LAMA2: variants seen among roughly 807,000 people sequenced by gnomAD.
The protein encoded by LAMA2 is laminin subunit alpha 2, also known as laminin subunit alpha-2.
Under a neutral mutation model 364.8 loss-of-function variants are expected in LAMA2, and 269 were observed. That is an observed-to-expected ratio of 0.74 (90% CI 0.67 to 0.82). The LOEUF (loss-of-function observed/expected upper bound fraction) is 0.82, where lower values mean the gene tolerates loss of function less well. Among genes scored for constraint, LAMA2 ranks in the 40% least tolerant of loss-of-function variants. The probability of loss-of-function intolerance (pLI) is 0.00; values close to 1 mark genes in which losing one functional copy is unlikely to be tolerated. For synonymous variants in LAMA2, 1,379 were observed against 1,370.6 expected (o/e 1.01, Z -0.14); for missense variants, 3,807 against 3,873.2 (o/e 0.98, Z 0.45).
At chr6:129,376,719 A>G (rs1049864463) in intron 34 of LAMA2, among the ~76,000 whole-genome samples, 1 of 152,066 alleles carries the variant, frequency 6.6e-6, no homozygotes, top group Non-Finnish European at 1.5e-5. Flanking sequence ...GTTAACTCCA[A>G]TTTACCTTTC....
At chr6:129,047,280 T>A (rs1247112584) in intron 1 of LAMA2, among the ~76,000 whole-genome samples, 2 of 152,252 alleles carry the variant, frequency 1.3e-5, no homozygotes, top group East Asian at 1.9e-4. Flanking sequence ...ACTTTATGAA[T>A]GTTTAATATT....
chr6:129,040,095 G>A (rs77660450), intron 1 of LAMA2, among the ~76,000 whole-genome samples: 23,775 of 152,092 alleles, frequency 0.16, 2,114 homozygotes, highest in African/African-American at 0.24. Flanking sequence ...CTTAGAATGG[G>A]GAAAAGTAAG....
At chr6:129,079,912 A>G (rs1331737640) in intron 3 of LAMA2, among the ~76,000 whole-genome samples, 1 of 152,170 alleles carries the variant, frequency 6.6e-6, no homozygotes, top group African/African-American at 2.4e-5. Context: ...TATTATCTTT[A>G]TAGCCTCTGT....
At chr6:128,925,702 T>C (rs1266098676) in intron 1 of LAMA2, among the ~76,000 whole-genome samples, 1 of 152,192 alleles carries the variant, frequency 6.6e-6, no homozygotes, top group Non-Finnish European at 1.5e-5. Flanking sequence ...AATTCAAAAG[T>C]AACATCCTCA....
intron 27 of LAMA2, among the ~76,000 whole-genome samples, chr6:129,318,446 G>A (rs1403051711): frequency 6.6e-6 from 1 of 152,052 alleles, no homozygotes; most frequent in African/African-American, 2.4e-5. Flanking sequence ...AGAAATATTT[G>A]TTGTTGCTGC....
intron 51 of LAMA2, among the ~76,000 whole-genome samples, chr6:129,468,085 TCA>T (rs1470621582): frequency 6.6e-6 from 1 of 151,840 alleles, no homozygotes; most frequent in African/African-American, 2.4e-5. Context: ...GACTCTAGAC[TCA>T]CATTGCTTTT....
At chr6:129,384,230 A>G (rs180726355) in intron 35 of LAMA2, among the ~76,000 whole-genome samples, 4 of 152,334 alleles carry the variant, frequency 2.6e-5, no homozygotes, top group Admixed American at 2.6e-4. Context: ...ATCCTCTGCT[A>G]GATGAAGCTG....
intron 62 of LAMA2, among the ~76,000 whole-genome samples, chr6:129,507,932 A>G (rs1301308576): frequency 1.3e-5 from 2 of 152,194 alleles, no homozygotes; most frequent in Non-Finnish European, 2.9e-5. Context: ...GAACACTCAT[A>G]TGTTTATACT....
At chr6:129,218,887 A>G (rs182371535) in intron 12 of LAMA2, among the ~76,000 whole-genome samples, 1 of 152,200 alleles carries the variant, frequency 6.6e-6, no homozygotes, top group Non-Finnish European at 1.5e-5. Context: ...ATTATTTATT[A>G]TTCAATATTT....
At chr6:129,217,137 T>C (rs1400178699) in intron 12 of LAMA2, among the ~76,000 whole-genome samples, 2 of 151,106 alleles carry the variant, frequency 1.3e-5, no homozygotes, top group Non-Finnish European at 2.9e-5. Context: ...TGCAGTGAGC[T>C]GAGATCGTGC....
In LAMA2 at chr6:128,883,174, G is replaced by A. The variant is rs10080633; in HGVS notation, c.-72G>A. 6,548 of 1,435,648 alleles carry A rather than the reference G, an allele frequency of 4.6e-3. 256 individuals carry two copies. In the African/African-American group the frequency reaches 0.082, roughly 18 times the overall value. The allele number at this position is 1,435,648 out of a possible 1,614,324, so 88.9% of individuals were successfully genotyped here. On this transcript the variant is annotated 5_prime_UTR_variant, in exon 1 of 65. Transcript: ENST00000421865. ...CAGCTGCTGCTCGCTCAGCTCACAAGCCAAGGCCAGGGGACAGGGCGGCAG... is the reference window on the plus strand; with the variant it reads ...CAGCTGCTGCTCGCTCAGCTCACAAACCAAGGCCAGGGGACAGGGCGGCAG...
intron 41 of LAMA2, among the ~76,000 whole-genome samples, chr6:129,430,477 C>T (rs1781534914): frequency 6.6e-6 from 1 of 152,188 alleles, no homozygotes; most frequent in Non-Finnish European, 1.5e-5. Context: ...TTTGAATATA[C>T]ATCTGTTAAA....
intron 1 of LAMA2, among the ~76,000 whole-genome samples, chr6:128,905,162 C>T (rs892235280): frequency 6.6e-6 from 1 of 152,174 alleles, no homozygotes; most frequent in Non-Finnish European, 1.5e-5. Flanking sequence ...TGCTAAACAA[C>T]ATAAACCAAT....
At chr6:129,334,199 A>G (rs1232094773) in intron 29 of LAMA2, among the ~76,000 whole-genome samples, 2 of 152,164 alleles carry the variant, frequency 1.3e-5, no homozygotes, top group Non-Finnish European at 2.9e-5. Context: ...TATCATATCC[A>G]TTATACAGTG....
chr6:129,391,159 A>C (rs748806862), intron 35 of LAMA2, among the ~76,000 whole-genome samples: 3 of 152,146 alleles, frequency 2.0e-5, no homozygotes, highest in Non-Finnish European at 4.4e-5. Context: ...TCCAGCCTCC[A>C]AGTGTTATGC....
intron 1 of LAMA2, among the ~76,000 whole-genome samples, chr6:128,901,895 G>A (rs1019892443): frequency 6.6e-6 from 1 of 152,176 alleles, no homozygotes; most frequent in African/African-American, 2.4e-5. Context: ...TACATGCCAA[G>A]TGTATTAGTC....
chr6:129,220,979 C>T lies in LAMA2; in HGVS notation c.1782+28126C>T, dbSNP rs555010938. Among the ~76,000 whole-genome samples the T allele has an allele frequency of 2.5e-4, 38 of 152,024 alleles. 1 individual carries two copies. The South Asian group carries it at 6.9e-3, about 27-fold the overall frequency. ...GAGTTCAAGACCAGCCTTGCCAACG[C>T]GGTGAAACCCTGTCTCTACTAAAAA... On this transcript the variant is annotated intron_variant, in intron 12 of 64. Coordinates refer to ENST00000421865, the MANE Select transcript of LAMA2 (RefSeq NM_000426.4).
chr6:129,287,982 A>G lies in LAMA2; in HGVS notation c.2673A>G (p.Pro891=), dbSNP rs1453549536. 2 of 1,614,126 alleles carry G rather than the reference A, an allele frequency of 1.2e-6. No homozygotes were observed. Among genetic ancestry groups the G allele is most frequent in the Non-Finnish European group, 1.7e-6 (2 of 1,179,970 alleles). ...SLSGSCLICK[P]GTTGRYCELC... is the part of the protein sequence containing the mutation. ...CTGGCTCCTGTCTGATATGTAAACC[A>G]GGTACAACAGGCCGGTACTGTGAGC... Residue 891 remains proline (P), a synonymous_variant, in exon 19 of 65, where the codon CCA becomes CCG. Coordinates refer to ENST00000421865, the MANE Select transcript of LAMA2 (RefSeq NM_000426.4).
intron 22 of LAMA2, among the ~76,000 whole-genome samples, chr6:129,303,594 TA>T (rs1168372198): frequency 1.3e-5 from 2 of 152,220 alleles, no homozygotes; most frequent in Non-Finnish European, 2.9e-5. Flanking sequence ...CTCGTGTTTT[TA>T]GTTTGCTAAG....
Sources: allele counts gnomAD v4.1 joint callset (sites outside exome capture counted in the v4.1 genomes callset), GRCh38; gene constraint gnomAD v4.1.1; transcripts MANE v1.5; gene names NCBI Gene and HGNC (gene_info 2026-07-23, HGNC 2026-07-21).